The following CPNE4 variants were observed in gnomAD, a reference collection of about 807,000 sequenced individuals.
The protein encoded by CPNE4 is copine 4, also known as copine-4.
CPNE4 carries 25 observed loss-of-function variants against 67.9 expected under a neutral mutation model. That is an observed-to-expected ratio of 0.37 (90% confidence interval 0.27 to 0.51). The LOEUF (loss-of-function observed/expected upper bound fraction) is 0.51. Among genes scored for constraint, CPNE4 ranks in the 20% least tolerant of loss-of-function variants. The pLI, the probability that CPNE4 is intolerant of heterozygous loss-of-function variation, is 0.93. For synonymous variants in CPNE4, 242 were observed against 244.9 expected, an observed-to-expected ratio of 0.99 and a Z score of 0.11; for missense variants, 464 against 690.8, an observed-to-expected ratio of 0.67 and a Z score of 3.68.
At chr3:131,961,690 G>A (rs2072184652) in intron 1 of CPNE4, among the ~76,000 whole-genome samples, 1 of 152,078 alleles carries the variant, frequency 6.6e-6, no homozygotes, top group Non-Finnish European at 1.5e-5. Flanking sequence ...ACACCTAGAG[G>A]ACTAAAGATA....
intron 6 of CPNE4, among the ~76,000 whole-genome samples, chr3:131,678,059 A>G (rs971748358): frequency 2.0e-5 from 3 of 152,204 alleles, no homozygotes; most frequent in African/African-American, 7.2e-5. Flanking sequence ...ATTCCTATGC[A>G]TGAGCATGGA....
chr3:131,535,311 C>A lies in CPNE4; in HGVS notation c.1558G>T (p.Ala520Ser), dbSNP rs753851188. ...NFKHASPAAL[A>S]KSVLAEVPNQ... The stretch of plus-strand genomic sequence containing the variant: ...GGGACTTCAGCCAGCACGCTCTTTG[C>A]CAGGGCAGCTGGAGATGCCTGCAGG... The change falls in exon 16 of 16, where the codon GCA becomes TCA. Residue 520 changes from alanine (A) to serine (S), a missense_variant. By Grantham distance (99) the Ala-to-Ser change is moderately conservative. Coordinates refer to ENST00000429747, the MANE Select transcript of CPNE4 (RefSeq NM_130808.3). 68 of 1,613,170 alleles carry A rather than the reference C, an allele frequency of 4.2e-5. No homozygotes were observed. Among genetic ancestry groups the A allele is most frequent in the Non-Finnish European group, 5.7e-5 (67 of 1,179,826 alleles).
chr3:131,652,104 C>G (rs1432968642), intron 7 of CPNE4, among the ~76,000 whole-genome samples: 1 of 152,182 alleles, frequency 6.6e-6, no homozygotes, highest in East Asian at 1.9e-4. Context: ...TGCCGATATG[C>G]TTTCCAAAGA....
chr3:131,682,170 A>G (rs2080775433), intron 6 of CPNE4, among the ~76,000 whole-genome samples: 2 of 152,078 alleles, frequency 1.3e-5, no homozygotes, highest in South Asian at 2.1e-4. Flanking sequence ...GCATGTTTTC[A>G]TGAATGGTCC....
intron 2 of CPNE4, among the ~76,000 whole-genome samples, chr3:131,837,854 T>G (rs984176423): frequency 1.3e-5 from 2 of 152,008 alleles, no homozygotes; most frequent in African/African-American, 4.8e-5. Flanking sequence ...GGATAAAGGG[T>G]ACAGGGGAAC....
At chr3:131,969,144 G>A (rs1167948111) in intron 1 of CPNE4, among the ~76,000 whole-genome samples, 1 of 151,890 alleles carries the variant, frequency 6.6e-6, no homozygotes, top group Non-Finnish European at 1.5e-5. Context: ...CTCATAAGTG[G>A]GAGTTGAACA....
chr3:131,924,793 G>GT (rs1172774958), intron 1 of CPNE4, among the ~76,000 whole-genome samples: 2 of 152,096 alleles, frequency 1.3e-5, no homozygotes, highest in African/African-American at 4.8e-5. Context: ...CAGTGTAAAC[G>GT]TGAGTGTTAT....
intron 8 of CPNE4, among the ~76,000 whole-genome samples, chr3:131,583,787 G>C (rs1937996528): frequency 6.6e-6 from 1 of 152,130 alleles, no homozygotes; most frequent in Admixed American, 6.5e-5. Context: ...TATGGGCTAT[G>C]CACTTTACTT....
intron 3 of CPNE4, among the ~76,000 whole-genome samples, chr3:131,714,974 T>C (rs914870369): frequency 6.6e-6 from 1 of 152,094 alleles, no homozygotes; most frequent in Non-Finnish European, 1.5e-5. Context: ...GGAGGAGACA[T>C]ACACTGAAGA....
intron 1 of CPNE4, among the ~76,000 whole-genome samples, chr3:131,968,116 C>T (rs2072402515): frequency 6.6e-6 from 1 of 152,152 alleles, no homozygotes; most frequent in African/African-American, 2.4e-5. Context: ...CAAATGATTC[C>T]CTATTTAATA....
intron 2 of CPNE4, among the ~76,000 whole-genome samples, chr3:131,882,649 A>G (rs977049647): frequency 3.3e-5 from 5 of 152,060 alleles, no homozygotes; most frequent in African/African-American, 1.2e-4. Context: ...TCTTATAGCA[A>G]CTCTACAATG....
At chr3:131,587,631 C>T (rs1938273875) in intron 7 of CPNE4, 49 bp from the exon 8 acceptor site, 6 of 1,364,532 alleles carry the variant, frequency 4.4e-6, no homozygotes, top group Non-Finnish European at 6.3e-6. Flanking sequence ...AATGTAGCCA[C>T]AGCAGCTGAA....
intron 1 of CPNE4, among the ~76,000 whole-genome samples, chr3:132,031,440 T>C (rs1368119563): frequency 6.6e-6 from 1 of 152,184 alleles, no homozygotes; most frequent in Non-Finnish European, 1.5e-5. Flanking sequence ...TACACACCAC[T>C]GATTAAAAAA....
intron 2 of CPNE4, among the ~76,000 whole-genome samples, chr3:131,792,561 A>G (rs1234613889): frequency 6.8e-6 from 1 of 147,102 alleles, no homozygotes; most frequent in Non-Finnish European, 1.5e-5. Context: ...CCTGCCGACC[A>G]GATACCTACA....
At chr3:131,856,448 A>G (rs2086446656) in intron 2 of CPNE4, among the ~76,000 whole-genome samples, 2 of 151,942 alleles carry the variant, frequency 1.3e-5, no homozygotes. Context: ...GTTTTAAAAA[A>G]AGGCGTCACT....
rs369857444 is a variant in CPNE4 at position 131,895,714 on chromosome 3, T to C, written c.180+9550A>G. ...TATATGTAAATCATCTCACTAAAGT[T>C]GATAAAAAGGAAGAAATTGTATTTA... On this transcript the variant is annotated intron_variant, in intron 2 of 15. Coordinates refer to ENST00000429747, the MANE Select transcript of CPNE4 (RefSeq NM_130808.3). Among the ~76,000 whole-genome samples the C allele has an allele frequency of 7.2e-5, 11 of 152,156 alleles. No homozygotes were observed. The East Asian group carries it at 2.1e-3, about 29-fold the overall frequency.
At chr3:131,967,283 A>G (rs893339318) in intron 1 of CPNE4, among the ~76,000 whole-genome samples, 1 of 152,218 alleles carries the variant, frequency 6.6e-6, no homozygotes. Flanking sequence ...AATGGGCAAA[A>G]ACTGGAAGCA....
intron 3 of CPNE4, among the ~76,000 whole-genome samples, chr3:131,715,803 A>T (rs1247998788): frequency 6.6e-6 from 1 of 152,218 alleles, no homozygotes; most frequent in Non-Finnish European, 1.5e-5. Flanking sequence ...ACATTAAAGA[A>T]GGTCAGCTTG....
intron 2 of CPNE4, among the ~76,000 whole-genome samples, chr3:131,895,435 A>G (rs1298458683): frequency 6.6e-6 from 1 of 152,114 alleles, no homozygotes; most frequent in Admixed American, 6.6e-5. Flanking sequence ...ATAATTATAT[A>G]AAACATGAAA....
Sources: allele counts gnomAD v4.1 joint callset (sites outside exome capture counted in the v4.1 genomes callset), GRCh38; gene constraint gnomAD v4.1.1; transcripts MANE v1.5; gene names NCBI Gene and HGNC (gene_info 2026-07-23, HGNC 2026-07-21).